The following DNAJC6 variants were observed in gnomAD, a reference collection of about 807,000 sequenced individuals.
DNAJC6 encodes the protein DnaJ heat shock protein family (Hsp40) member C6.
Under a neutral mutation model 110.0 loss-of-function variants are expected in DNAJC6, and 34 were observed. That is an observed-to-expected ratio of 0.31 (90% CI 0.24 to 0.41). The LOEUF is 0.41. DNAJC6 is among the 10% of genes least tolerant of loss of function. The pLI, the probability that DNAJC6 is intolerant of heterozygous loss-of-function variation, is 1.00. For missense variants in DNAJC6, 1,031 were observed against 1,207.8 expected, an observed-to-expected ratio of 0.85 and a Z score of 2.17; for synonymous variants, 406 against 437.2, an observed-to-expected ratio of 0.93 and a Z score of 0.89.
intron 1 of DNAJC6, among the ~76,000 whole-genome samples, chr1:65,326,815 A>T (rs1645245683): frequency 6.6e-6 from 1 of 152,224 alleles, no homozygotes; most frequent in Non-Finnish European, 1.5e-5. Context: ...CTCAACGATC[A>T]TCTGTCTCTG....
rs985893332 is a variant in DNAJC6 at position 65,415,050 on chromosome 1, G to A, written c.*2025G>A. The stretch of plus-strand genomic sequence containing the variant: ...AGATTTTCCCCCACATCTCTTTTCC[G>A]GATACATTATAATTCTGGACCCCTA... On this transcript the variant is annotated 3_prime_UTR_variant, in exon 19 of 19. Coordinates refer to ENST00000371069, the MANE Select transcript of DNAJC6 (RefSeq NM_001256864.2). 2 of 151,952 alleles carry A rather than the reference G, an allele frequency of 1.3e-5. No homozygotes were observed. The highest frequency in any genetic ancestry group is 2.9e-5 in the Non-Finnish European group (2 of 68,000). 9.4% of individuals were successfully genotyped at this position (151,952 alleles called of 1,614,324 possible). A position where few individuals can be genotyped will look rare whatever the true frequency, so the allele number is the denominator to read the frequency against.
chr1:65,287,628 G>T (rs1287097978), intron 1 of DNAJC6, among the ~76,000 whole-genome samples: 1 of 152,056 alleles, frequency 6.6e-6, no homozygotes, highest in African/African-American at 2.4e-5. Context: ...TTGAGGCATG[G>T]TCTTAGCCTG....
At chr1:65,373,336 C>G (rs1285254017) in intron 4 of DNAJC6, among the ~76,000 whole-genome samples, 1 of 152,046 alleles carries the variant, frequency 6.6e-6, no homozygotes, top group East Asian at 1.9e-4. Context: ...AGTGGAATTG[C>G]TGGGTCATAT....
At chr1:65,356,809 C>T (rs1044007525) in intron 1 of DNAJC6, among the ~76,000 whole-genome samples, 73 of 151,934 alleles carry the variant, frequency 4.8e-4, no homozygotes, top group African/African-American at 1.7e-3. Context: ...CTCAAGGTCA[C>T]ACAGCTTTTA....
At chr1:65,365,769 C>A (rs200900546) in intron 2 of DNAJC6, 116 bp from the exon 3 acceptor site, 1 of 1,151,166 alleles carries the variant, frequency 8.7e-7, no homozygotes, top group East Asian at 2.4e-5. Flanking sequence ...GGAGGGGAGT[C>A]GAAACATGCC....
intron 1 of DNAJC6, among the ~76,000 whole-genome samples, chr1:65,344,287 T>A (rs1325513495): frequency 6.6e-6 from 1 of 152,192 alleles, no homozygotes; most frequent in Non-Finnish European, 1.5e-5. Context: ...TACTTTTTAT[T>A]GAGCACTTCT....
chr1:65,384,906 G>T (rs1233797266), intron 6 of DNAJC6, among the ~76,000 whole-genome samples: 1 of 152,178 alleles, frequency 6.6e-6, no homozygotes, highest in Non-Finnish European at 1.5e-5. Flanking sequence ...AAACTAGAAG[G>T]AAACTTTAAA....
chr1:65,380,936 T>TC (rs1445415310), intron 5 of DNAJC6, among the ~76,000 whole-genome samples: 6 of 144,842 alleles, frequency 4.1e-5, no homozygotes, highest in African/African-American at 1.6e-4. Flanking sequence ...TTTTTTTTTT[T>TC]TGGGACCGAG....
chr1:65,369,913 A>T (rs1645689553), intron 4 of DNAJC6, among the ~76,000 whole-genome samples: 1 of 152,202 alleles, frequency 6.6e-6, no homozygotes, highest in African/African-American at 2.4e-5. Context: ...TTAAAATAGG[A>T]CTTTGTTTAG....
At chr1:65,363,130 G>C (rs779421788) in intron 1 of DNAJC6, among the ~76,000 whole-genome samples, 1 of 152,154 alleles carries the variant, frequency 6.6e-6, no homozygotes, top group African/African-American at 2.4e-5. Flanking sequence ...ATCTCTCACT[G>C]TCATGAGAAC....
intron 1 of DNAJC6, among the ~76,000 whole-genome samples, chr1:65,316,906 T>C (rs1431180379): frequency 1.3e-5 from 2 of 149,082 alleles, no homozygotes; most frequent in African/African-American, 4.9e-5. Context: ...ATCTACTGTA[T>C]GATTCATCAT....
At chr1:65,342,810 C>T (rs543038020) in intron 1 of DNAJC6, among the ~76,000 whole-genome samples, 41 of 152,272 alleles carry the variant, frequency 2.7e-4, no homozygotes, top group African/African-American at 8.4e-4. Context: ...TGAATAGAAA[C>T]GGTTGGTTTC....
At chr1:65,286,770 T>C (rs1654032423) in intron 1 of DNAJC6, among the ~76,000 whole-genome samples, 1 of 152,222 alleles carries the variant, frequency 6.6e-6, no homozygotes, top group Non-Finnish European at 1.5e-5. Context: ...TCTTTTACCA[T>C]GTGCTAGAAT....
At chr1:65,396,777 T>A (rs1645982618) in intron 13 of DNAJC6, among the ~76,000 whole-genome samples, 1 of 152,226 alleles carries the variant, frequency 6.6e-6, no homozygotes, top group Non-Finnish European at 1.5e-5. Flanking sequence ...TTTTGTTTTG[T>A]TCATTAATGC....
intron 1 of DNAJC6, among the ~76,000 whole-genome samples, chr1:65,297,713 G>A (rs1052863418): frequency 4.6e-5 from 7 of 152,196 alleles, no homozygotes; most frequent in African/African-American, 7.2e-5. Context: ...GCCCATGTAG[G>A]ACTAATAAAT....
chr1:65,372,519 A>G (rs371562116), intron 4 of DNAJC6, among the ~76,000 whole-genome samples: 1 of 152,168 alleles, frequency 6.6e-6, no homozygotes, highest in African/African-American at 2.4e-5. Flanking sequence ...AGACAGGTAT[A>G]AGCAGTTTAT....
chr1:65,346,427 A>G (rs887190153), intron 1 of DNAJC6, among the ~76,000 whole-genome samples: 7 of 152,040 alleles, frequency 4.6e-5, no homozygotes, highest in Non-Finnish European at 8.8e-5. Flanking sequence ...TGAGAGAGTA[A>G]GAGAATTTGG....
intron 1 of DNAJC6, among the ~76,000 whole-genome samples, chr1:65,300,427 A>G (rs1451807408): frequency 6.6e-6 from 1 of 152,206 alleles, no homozygotes; most frequent in Admixed American, 6.5e-5. Flanking sequence ...ATTTTTGCTT[A>G]TAATTACAAT....
At chr1:65,396,518 A>G (rs1645978387) in intron 13 of DNAJC6, among the ~76,000 whole-genome samples, 1 of 150,252 alleles carries the variant, frequency 6.7e-6, no homozygotes, top group East Asian at 2.0e-4. Flanking sequence ...TCTGCCTCAT[A>G]CTCTTCCCCA....
Sources: gnomAD v4.1 joint callset for allele counts (sites outside exome capture counted in the v4.1 genomes callset) on GRCh38, gnomAD v4.1.1 for gene constraint, MANE v1.5 for transcripts, NCBI Gene and HGNC (gene_info 2026-07-23, HGNC 2026-07-21) for gene names.